OGA: variants seen among roughly 807,000 people sequenced by gnomAD.
OGA encodes protein O-GlcNAcase.
Under a neutral mutation model 102.0 loss-of-function variants are expected in OGA, and 21 were observed. The observed-to-expected ratio is 0.21, with a 90% CI of 0.15 to 0.30. The LOEUF is 0.30. Among genes scored for constraint, OGA ranks in the 10% least tolerant of loss-of-function variants. The probability of loss-of-function intolerance (pLI) is 1.00; values close to 1 mark genes in which losing one functional copy is unlikely to be tolerated. For missense variants in OGA, 765 were observed against 1,107.8 expected (o/e 0.69, Z 4.39); for synonymous variants, 408 against 378.2 (o/e 1.08, Z -0.91).
At position 101,799,126 on chromosome 10, in the gene OGA, A is replaced by T. The variant is rs1246743380; in HGVS notation, c.1525T>A (p.Ser509Thr). ...MDTDKESIAESKSPEMSMQED... is the reference protein window; with the variant it reads ...MDTDKESIAETKSPEMSMQED... ...TGCATGGACATCTCTGGGGATTTTG[A>T]TTCAGCTATGCTCTCTTTATCAGTG... The change falls in exon 9 of 16, where the codon TCA (serine) becomes ACA (threonine). Residue 509 changes from serine to threonine, a missense_variant. Ser to Thr is a moderately conservative substitution (Grantham distance 58, BLOSUM62 1). Coordinates refer to ENST00000361464, the MANE Select transcript of OGA (RefSeq NM_012215.5). The T allele has an allele frequency of 6.2e-7, 1 of 1,614,088 alleles. No individual in the cohort carries two copies. Among genetic ancestry groups the T allele is most frequent in the Admixed American group, 1.7e-5 (1 of 59,990 alleles).
At chr10:101,812,050 A>G (rs1031290859) in intron 3 of OGA, among the ~76,000 whole-genome samples, 2 of 152,218 alleles carry the variant, frequency 1.3e-5, no homozygotes, top group African/African-American at 4.8e-5. Flanking sequence ...TAATTCAAGA[A>G]AACTTTCAGC....
rs1319535720 is a variant in OGA at position 101,785,291 on chromosome 10, G to C, written c.*1160C>G. 1 of 152,284 alleles carries C rather than the reference G, an allele frequency of 6.6e-6. No homozygotes were observed. The highest frequency in any genetic ancestry group is 2.4e-5 in the African/African-American group (1 of 41,448). 9.4% of individuals were successfully genotyped at this position (152,284 alleles called of 1,614,324 possible). A position where few individuals can be genotyped will look rare whatever the true frequency, so the allele number is the denominator to read the frequency against. On this transcript the variant is annotated 3_prime_UTR_variant, in exon 16 of 16. Coordinates refer to ENST00000361464, the MANE Select transcript of OGA (RefSeq NM_012215.5). ...ATCCGGTTAAAGGAAAAAGGTAACT[G>C]TAAATAACTGGTTAAAGTGTGCTCA...
At chr10:101,811,405 TGAAAAAAAA>T (rs2065554784) in intron 3 of OGA, among the ~76,000 whole-genome samples, 1 of 9,028 alleles carries the variant, frequency 1.1e-4, no homozygotes, top group African/African-American at 4.7e-4. Context: ...TGAAAAAAAA[TGAAAAAAAA>T]AAAAAAAAAA....
intron 10 of OGA, among the ~76,000 whole-genome samples, chr10:101,796,719 C>A (rs1434997671): frequency 1.3e-5 from 2 of 151,440 alleles, no homozygotes; most frequent in Non-Finnish European, 2.9e-5. Context: ...TACAGGCATG[C>A]GCCACCACGC....
In OGA at chr10:101,787,439, T is replaced by C; in HGVS notation, c.2539A>G (p.Ile847Val). Residue 847 changes from isoleucine (I) to valine (V), a missense_variant, in exon 15 of 16, where the codon ATT (isoleucine) becomes GTT (valine). Physicochemically the swap from Ile to Val is conservative, Grantham distance 29. This residue lies in a region of OGA where 146 missense variants were observed against 269.7 expected (regional missense o/e 0.54). Transcript: ENST00000361464. The part of the protein sequence containing the change: ...ANFPSLIKMD[I>V]HKKVTDPSVA... Reference sequence around the variant, plus strand: ...CTTGGGTCAGTTACTTTTTTGTGAATGTCCATCTTTATCAGAGAAGGGAAA... The same window carrying C: ...CTTGGGTCAGTTACTTTTTTGTGAACGTCCATCTTTATCAGAGAAGGGAAA... 1 of 1,614,124 alleles carries C rather than the reference T, an allele frequency of 6.2e-7. No homozygotes were observed. Among genetic ancestry groups the C allele is most frequent in the Non-Finnish European group, 8.5e-7 (1 of 1,179,954 alleles).
chr10:101,809,816 G>C (rs1006913309), intron 4 of OGA, among the ~76,000 whole-genome samples: 2 of 151,616 alleles, frequency 1.3e-5, no homozygotes, highest in African/African-American at 4.9e-5. Context: ...CAGCACTTTG[G>C]GAAGATCATG....
chr10:101,816,552 A>G (rs1337381985), intron 1 of OGA, among the ~76,000 whole-genome samples: 1 of 152,206 alleles, frequency 6.6e-6, no homozygotes, highest in Non-Finnish European at 1.5e-5. Flanking sequence ...CCACTCCAAG[A>G]TCTTTGATAA....
Position 101,810,045 on chromosome 10 carries a change from CA to C in OGA, c.480+138del. 8 of 960,946 alleles carry C rather than the reference CA, an allele frequency of 8.3e-6. No individual in the cohort carries two copies. In the Admixed American group the frequency reaches 2.1e-4, roughly 25 times the overall value. The allele number at this position is 960,946 out of a possible 1,614,324, so 59.5% of individuals were successfully genotyped here. On this transcript the variant is annotated intron_variant, in intron 4 of 15. Transcript: ENST00000361464. Reference sequence around the variant, plus strand: ...TGGGCGACAGAGCAAGACTCTGTCTCAAAAAACAAAACAAACAAACAAAAAA... The same window carrying C: ...TGGGCGACAGAGCAAGACTCTGTCTCAAAAACAAAACAAACAAACAAAAAA...
At position 101,786,694 on chromosome 10, in the gene OGA, G is replaced by A. The variant is rs929654117; in HGVS notation, c.2615-107C>T. Reference sequence around the variant, plus strand: ...TGGTTAATATAAACAGGGCTTGTCTGTCTACACCAGCTCCTACATTTCACA... The same window carrying A: ...TGGTTAATATAAACAGGGCTTGTCTATCTACACCAGCTCCTACATTTCACA... On this transcript the variant is annotated intron_variant, in intron 15 of 15. Coordinates refer to ENST00000361464, the MANE Select transcript of OGA (RefSeq NM_012215.5). 1.0e-5 allele frequency: 9 copies of A among 903,142 alleles called. No individual in the cohort carries two copies. In the African/African-American group the frequency reaches 1.6e-4, roughly 16 times the overall value. The allele number at this position is 903,142 out of a possible 1,614,324, so 55.9% of individuals were successfully genotyped here.
intron 15 of OGA, among the ~76,000 whole-genome samples, chr10:101,786,789 G>A (rs1183309937): frequency 2.0e-5 from 3 of 152,082 alleles, no homozygotes; most frequent in Non-Finnish European, 2.9e-5. Context: ...AGCTTCCCCC[G>A]CACCCGAGAC....
At chr10:101,805,332 G>A (rs2065453772) in intron 6 of OGA, among the ~76,000 whole-genome samples, 1 of 152,162 alleles carries the variant, frequency 6.6e-6, no homozygotes, top group Admixed American at 6.5e-5. Context: ...AAGAGAATAT[G>A]TAAACTTTGT....
At position 101,799,583 on chromosome 10, in the gene OGA, T is replaced by G. The variant is rs888129528; in HGVS notation, c.1196-128A>C. On this transcript the variant is annotated intron_variant, in intron 8 of 15. Transcript: ENST00000361464. ...GTGGAACCTCAATTTTAGATCCAAATTAATTTGACCTCTAAGAAAAATGAG... is the reference window on the plus strand; with the variant it reads ...GTGGAACCTCAATTTTAGATCCAAAGTAATTTGACCTCTAAGAAAAATGAG... 9 of 992,620 alleles carry G rather than the reference T, an allele frequency of 9.1e-6. No individual in the cohort carries two copies. The African/African-American group carries it at 1.3e-4, about 14-fold the overall frequency. The allele number at this position is 992,620 out of a possible 1,614,324, so 61.5% of individuals were successfully genotyped here.
Position 101,792,889 on chromosome 10 carries a change from T to A in OGA, c.2125A>T (p.Thr709Ser), listed in dbSNP as rs148254790. Residue 709 changes from threonine to serine, a missense_variant, in exon 12 of 16, where the codon ACT becomes TCT. This residue lies in a region of OGA where 146 missense variants were observed against 269.7 expected (regional missense o/e 0.54). Transcript: ENST00000361464. ...NDLFFQPPPL[T>S]PTSKVYTIRP... Reference sequence around the variant, plus strand: ...ATAGTATAAACTTTGGAGGTAGGAGTCAGTGGAGGTGGCTGAAAAAAGAGA... The same window carrying A: ...ATAGTATAAACTTTGGAGGTAGGAGACAGTGGAGGTGGCTGAAAAAAGAGA... 1.2e-6 allele frequency: 2 copies of A among 1,613,464 alleles called. No homozygotes were observed. Among genetic ancestry groups the A allele is most frequent in the Non-Finnish European group, 1.7e-6 (2 of 1,179,634 alleles).
intron 4 of OGA, among the ~76,000 whole-genome samples, chr10:101,808,535 A>C (rs1376687012): frequency 6.6e-6 from 1 of 152,220 alleles, no homozygotes; most frequent in Non-Finnish European, 1.5e-5. Context: ...AAAGAATAGA[A>C]TTTTATCAAA....
chr10:101,802,126 C>T (rs921158983), intron 7 of OGA, among the ~76,000 whole-genome samples: 1 of 151,920 alleles, frequency 6.6e-6, no homozygotes, highest in Admixed American at 6.6e-5. Context: ...GCCTGGGCAA[C>T]AGAGCGAGGC....
At chr10:101,796,951 C>CA (rs1280699503) in intron 10 of OGA, 4 of 151,106 alleles carry the variant, frequency 2.6e-5, no homozygotes, top group Admixed American at 6.6e-5. Context: ...TACAGCAATC[C>CA]AAAAAAAGTT....
chr10:101,803,462 A>AC (rs2065424096), intron 7 of OGA, among the ~76,000 whole-genome samples: 1 of 137,012 alleles, frequency 7.3e-6, no homozygotes, highest in Admixed American at 7.1e-5. Flanking sequence ...AAAAAAAAAA[A>AC]CAAAAAAAAA....
In OGA at chr10:101,803,802, A is replaced by C. The variant is rs754474888; in HGVS notation, c.969T>G (p.Val323=). ...ACCAGGTGGCAAGGGTGTGGATAGC[A>C]ACGTAGTTGGCTTCAAATTCACAAT... is the stretch of plus-strand genomic sequence containing the variant. The part of the protein sequence containing the change: ...NPNCEFEANY[V]AIHTLATWYK... Residue 323 remains valine, a synonymous_variant, in exon 7 of 16, where the codon GTT becomes GTG. Transcript: ENST00000361464. 5 of 1,614,170 alleles carry C rather than the reference A, an allele frequency of 3.1e-6. No homozygotes were observed. The South Asian group carries it at 5.5e-5, about 18-fold the overall frequency.
intron 7 of OGA, among the ~76,000 whole-genome samples, chr10:101,803,140 CAA>C (rs370725618): frequency 2.6e-4 from 17 of 64,324 alleles, no homozygotes; most frequent in Admixed American, 3.5e-4. Flanking sequence ...AACTCCATCT[CAA>C]AAAAAAAAAA....
Sources: allele counts gnomAD v4.1 joint callset (sites outside exome capture counted in the v4.1 genomes callset), GRCh38; gene constraint gnomAD v4.1.1; regional missense constraint gnomAD v4.1.1; transcripts MANE v1.5; gene names NCBI Gene and HGNC (gene_info 2026-07-23, HGNC 2026-07-21).